Variants in ZNF808 observed in about 807,000 individuals in gnomAD.
The protein encoded by ZNF808 is zinc finger protein 808.
A neutral mutation model predicts 8.7 loss-of-function variants in ZNF808; 5 were observed. That is an observed-to-expected ratio of 0.58 (90% CI 0.30 to 1.21). ZNF808 has a LOEUF of 1.21. ZNF808 is among the 50% of genes most tolerant of loss of function. ZNF808 has a pLI of 0.07. For missense variants in ZNF808, 1,103 were observed against 1,098.4 expected (o/e 1.00, Z -0.06); for synonymous variants, 380 against 366.0 (o/e 1.04, Z -0.44).
At position 52,553,946 on chromosome 19, in the gene ZNF808, A is replaced by C; in HGVS notation, c.1030A>C (p.Lys344Gln). Residue 344 changes from lysine to glutamine, a missense_variant, in exon 5 of 5, where the codon AAG (lysine) becomes CAG (glutamine). Physicochemically the swap from Lys to Gln is moderately conservative, Grantham distance 53. Coordinates refer to ENST00000359798, the MANE Select transcript of ZNF808 (RefSeq NM_001039886.4). ...AATTCATACTGGAGAGAAACCTTAC[A>C]AGTGTAATGAATGTGGCAAGGCTTT... ...KAIHTGEKPY[K>Q]CNECGKAFNQ... 1 of 1,614,202 alleles carries C rather than the reference A, an allele frequency of 6.2e-7. No homozygotes were observed. Among genetic ancestry groups the C allele is most frequent in the Non-Finnish European group, 8.5e-7 (1 of 1,180,040 alleles).
Position 52,554,573 on chromosome 19 carries a change from G to GT in ZNF808, c.1658dup (p.Leu554ProfsTer6). On this transcript the variant is annotated frameshift_variant, in exon 5 of 5. Transcript: ENST00000359798. LOFTEE classifies it low-confidence loss of function (END_TRUNC). ...TAACAAGGTTTTCATGCGTAATTCA[G>GT]TCCTGGCTGTACATACTAGAATTCA... 1.2e-6 allele frequency: 2 copies of GT among 1,613,610 alleles called. No homozygotes were observed. Among genetic ancestry groups the GT allele is most frequent in the Non-Finnish European group, 1.7e-6 (2 of 1,179,768 alleles).
rs2059804426 is a variant in ZNF808, at chr19:52,553,903, C to G, written c.987C>G (p.Ala329=). The change falls in exon 5 of 5, where the codon GCC becomes GCG. Residue 329 remains alanine (A), a synonymous_variant. Coordinates refer to ENST00000359798, the MANE Select transcript of ZNF808 (RefSeq NM_001039886.4). ...GCAAGGTCTTTCGTCAAAATTCAGC[C>G]CTTGTAATTCATAAGGCAATTCATA... ...ECGKVFRQNS[A]LVIHKAIHTG... is the part of the protein sequence containing the mutation. 6.2e-7 allele frequency: 1 copy of G among 1,614,050 alleles called. No individual in the cohort carries two copies. The highest frequency in any genetic ancestry group is 1.3e-5 in the African/African-American group (1 of 75,008).
Position 52,553,977 on chromosome 19 carries a change from A to G in ZNF808, c.1061A>G (p.Gln354Arg). The change falls in exon 5 of 5, where the codon CAA becomes CGA. Residue 354 changes from glutamine to arginine, a missense_variant. Gln to Arg is a conservative substitution (Grantham distance 43, BLOSUM62 1). Transcript: ENST00000359798. ...AATGAATGTGGCAAGGCTTTTAATCAACAATCACACCTTTCACGCCATCAA... is the reference window on the plus strand; with the variant it reads ...AATGAATGTGGCAAGGCTTTTAATCGACAATCACACCTTTCACGCCATCAA... ...KCNECGKAFN[Q>R]QSHLSRHQRL... The G allele has an allele frequency of 6.2e-7, 1 of 1,614,156 alleles. No individual in the cohort carries two copies. Among genetic ancestry groups the G allele is most frequent in the East Asian group, 2.2e-5 (1 of 44,868 alleles).
downstream of ZNF808, among the ~76,000 whole-genome samples, chr19:52,557,697 T>C (rs1266952520): frequency 2.0e-5 from 3 of 152,240 alleles, no homozygotes. Flanking sequence ...GTGATTTTCT[T>C]GTAAGGAAGA....
chr19:52,542,044 A>G lies in ZNF808; in HGVS notation c.-19-1222A>G, dbSNP rs531464779. Among the ~76,000 whole-genome samples, 15 of 152,336 alleles carry G rather than the reference A, an allele frequency of 9.8e-5. No individual in the cohort carries two copies. In the East Asian group the frequency reaches 2.7e-3, roughly 27 times the overall value. ...TTGTAAGTGTTGTAATTTATAATAT[A>G]AAGAGAAACTTAGATGTATACGTGA... On this transcript the variant is annotated intron_variant, in intron 2 of 4. Coordinates refer to ENST00000359798, the MANE Select transcript of ZNF808 (RefSeq NM_001039886.4).
chr19:52,562,142 C>G (rs2059860227), intron 3 of ZNF808, among the ~76,000 whole-genome samples: 1 of 152,152 alleles, frequency 6.6e-6, no homozygotes, highest in African/African-American at 2.4e-5. Context: ...CTTTGGGAGG[C>G]TGAGACTGGT....
intron 2 of ZNF808, among the ~76,000 whole-genome samples, chr19:52,538,188 CTTTG>C (rs2059631789): frequency 2.7e-5 from 4 of 148,288 alleles, no homozygotes; most frequent in South Asian, 2.2e-4. Context: ...TTTTTTTTTT[CTTTG>C]TTTGTTTTTT....
chr19:52,549,141 A>G (rs2059751213), intron 4 of ZNF808, among the ~76,000 whole-genome samples: 1 of 151,842 alleles, frequency 6.6e-6, no homozygotes, highest in Non-Finnish European at 1.5e-5. Context: ...ATGCCCGGCT[A>G]ATGTTTTGTA....
chr19:52,568,676 C>A (rs1371891945), downstream of ZNF808, among the ~76,000 whole-genome samples: 1 of 152,128 alleles, frequency 6.6e-6, no homozygotes, highest in East Asian at 1.9e-4. Flanking sequence ...AACGCTGACC[C>A]CATTCATTTG....
At chr19:52,550,525 C>G (rs1198652622) in intron 4 of ZNF808, among the ~76,000 whole-genome samples, 2 of 135,260 alleles carry the variant, frequency 1.5e-5, no homozygotes. Flanking sequence ...CCACTGTGTC[C>G]GGGCTATTTT....
chr19:52,547,684 T>C, intron 4 of ZNF808, 46 bp downstream of exon 4: 1 of 1,600,868 alleles, frequency 6.2e-7, no homozygotes, highest in Non-Finnish European at 8.5e-7. Flanking sequence ...CTCCTGTCTA[T>C]CTTGGCTCTT....
In ZNF808 at chr19:52,556,153, T is replaced by C. The variant is rs2059834167; in HGVS notation, c.*525T>C. On this transcript the variant is annotated 3_prime_UTR_variant, in exon 5 of 5. Coordinates refer to ENST00000359798, the MANE Select transcript of ZNF808 (RefSeq NM_001039886.4). ...ATTGAGTTCAAGCCTTAATTGACATTCAAGTGTTTATGTTAAGAGGATGGG... is the reference window on the plus strand; with the variant it reads ...ATTGAGTTCAAGCCTTAATTGACATCCAAGTGTTTATGTTAAGAGGATGGG... 2.7e-6 allele frequency: 1 copy of C among 369,972 alleles called. No individual in the cohort carries two copies. Among genetic ancestry groups the C allele is most frequent in the Non-Finnish European group, 5.4e-6 (1 of 184,714 alleles). The allele number at this position is 369,972 out of a possible 1,614,324, so 22.9% of individuals were successfully genotyped here. A position where few individuals can be genotyped will look rare whatever the true frequency, so the allele number is the denominator to read the frequency against.
At chr19:52,534,338 C>T (rs933734314) in intron 2 of ZNF808, among the ~76,000 whole-genome samples, 1 of 152,174 alleles carries the variant, frequency 6.6e-6, no homozygotes, top group Admixed American at 6.5e-5. Context: ...TTTTCAAGTC[C>T]TCTTCCCTGA....
rs554020221 is a variant in ZNF808 at position 52,555,991 on chromosome 19, C to T, written c.*363C>T. The T allele has an allele frequency of 1.4e-3, 862 of 610,062 alleles. 6 individuals carry two copies. Among genetic ancestry groups the T allele is most frequent in the South Asian group, 0.012 (832 of 70,746 alleles). 37.8% of individuals were successfully genotyped at this position (610,062 alleles called of 1,614,324 possible). The stretch of plus-strand genomic sequence containing the variant: ...CATCAGTGTGGCAAGGTCTTCAGTC[C>T]GAGGTCACTCCTTGCAGAACATGAG... On this transcript the variant is annotated 3_prime_UTR_variant, in exon 5 of 5. Coordinates refer to ENST00000359798, the MANE Select transcript of ZNF808 (RefSeq NM_001039886.4).
At chr19:52,546,491 G>A (rs2059721486) in intron 3 of ZNF808, among the ~76,000 whole-genome samples, 1 of 151,876 alleles carries the variant, frequency 6.6e-6, no homozygotes, top group Non-Finnish European at 1.5e-5. Context: ...GACCGATCAT[G>A]ATAGTTTTTA....
intron 3 of ZNF808, among the ~76,000 whole-genome samples, chr19:52,562,779 CTT>C (rs34087948): frequency 1.3e-5 from 2 of 148,226 alleles, no homozygotes. Context: ...TTAGTCAATT[CTT>C]TTTTTTTTTG....
chr19:52,553,718 T>A lies in ZNF808; in HGVS notation c.802T>A (p.Phe268Ile). Residue 268 changes from phenylalanine (F) to isoleucine (I), a missense_variant, in exon 5 of 5, where the codon TTT becomes ATT. Coordinates refer to ENST00000359798, the MANE Select transcript of ZNF808 (RefSeq NM_001039886.4). ...QYKCDVCGKL[F>I]NHKQYLACHR... ...TAAATGTGATGTATGTGGCAAGCTC[T>A]TTAATCACAAGCAATACCTTGCATG... 1 of 1,614,122 alleles carries A rather than the reference T, an allele frequency of 6.2e-7. No individual in the cohort carries two copies. Among genetic ancestry groups the A allele is most frequent in the Non-Finnish European group, 8.5e-7 (1 of 1,179,988 alleles).
chr19:52,561,029 A>G (rs927110968), downstream of ZNF808, among the ~76,000 whole-genome samples: 3 of 152,002 alleles, frequency 2.0e-5, no homozygotes, highest in Admixed American at 2.0e-4. Flanking sequence ...CGCTTAAATC[A>G]GTGTGTGCAG....
intron 2 of ZNF808, among the ~76,000 whole-genome samples, chr19:52,536,536 C>G (rs1277699302): frequency 6.6e-6 from 1 of 152,112 alleles, no homozygotes. Flanking sequence ...CTGCTGCTCC[C>G]CAATTCTTCC....
Sources: gnomAD v4.1 joint callset for allele counts (sites outside exome capture counted in the v4.1 genomes callset) on GRCh38, gnomAD v4.1.1 for gene constraint, MANE v1.5 for transcripts, NCBI Gene and HGNC (gene_info 2026-07-23, HGNC 2026-07-21) for gene names.